The following ARL15 variants were observed in gnomAD, a reference collection of about 807,000 sequenced individuals.
The protein encoded by ARL15 is ADP-ribosylation factor-like protein 15.
ARL15 carries 19 observed loss-of-function variants against 25.2 expected under a neutral mutation model. The observed-to-expected ratio is 0.75, with a 90% CI of 0.53 to 1.10. The LOEUF (loss-of-function observed/expected upper bound fraction) is 1.10, where lower values mean the gene tolerates loss of function less well. Ranked by LOEUF, ARL15 falls within the 50% of genes least tolerant of loss-of-function variation. The pLI, the probability that ARL15 is intolerant of heterozygous loss-of-function variation, is 0.00. For missense variants in ARL15, 220 were observed against 246.0 expected (o/e 0.89, Z 0.71); for synonymous variants, 94 against 86.8 (o/e 1.08, Z -0.46).
At chr5:53,902,499 C>T (rs889519894) in intron 4 of ARL15, among the ~76,000 whole-genome samples, 6 of 152,218 alleles carry the variant, frequency 3.9e-5, no homozygotes, top group Non-Finnish European at 8.8e-5. Flanking sequence ...TCCCCTGTCT[C>T]AATCTTGCAG....
At chr5:54,092,936 T>C (rs1007488556) in intron 4 of ARL15, among the ~76,000 whole-genome samples, 1 of 152,212 alleles carries the variant, frequency 6.6e-6, no homozygotes, top group African/African-American at 2.4e-5. Context: ...ATTTTAAAAG[T>C]CTCTGTGCTT....
At chr5:54,025,783 C>T (rs1399545799) in intron 4 of ARL15, among the ~76,000 whole-genome samples, 2 of 152,160 alleles carry the variant, frequency 1.3e-5, no homozygotes, top group Non-Finnish European at 2.9e-5. Flanking sequence ...AGAGCATCAT[C>T]TTATAACAGT....
At chr5:54,222,961 A>G (rs577690524) in intron 1 of ARL15, among the ~76,000 whole-genome samples, 11 of 149,388 alleles carry the variant, frequency 7.4e-5, no homozygotes, top group African/African-American at 2.7e-4. Context: ...CCAGGACTAC[A>G]GGCACGCGTC....
At chr5:53,903,404 A>C (rs1020203064) in intron 4 of ARL15, among the ~76,000 whole-genome samples, 1 of 152,178 alleles carries the variant, frequency 6.6e-6, no homozygotes, top group Non-Finnish European at 1.5e-5. Context: ...GTGGGGAAGC[A>C]GAGCAGGTGG....
chr5:54,134,653 C>T (rs377215872), intron 3 of ARL15, among the ~76,000 whole-genome samples: 20 of 133,808 alleles, frequency 1.5e-4, no homozygotes, highest in African/African-American at 5.5e-4. Context: ...GGCACAATCT[C>T]GGCTCACTGC....
Position 54,040,868 on chromosome 5 carries a change from T to G in ARL15, c.462+72334A>C, listed in dbSNP as rs10042859. 8.5e-3 allele frequency among the ~76,000 whole-genome samples: 1,294 copies of G among 152,328 alleles called. 25 individuals carry two copies. Among genetic ancestry groups the G allele is most frequent in the African/African-American group, 0.03 (1,236 of 41,574 alleles). On this transcript the variant is annotated intron_variant, in intron 4 of 4. Transcript: ENST00000504924. ...ATTATCAAATATTGTTCAGCTCCCA[T>G]AATGAAGAAGGCTAACATTAAGGAT...
At chr5:54,184,770 A>G (rs985168926) in intron 1 of ARL15, among the ~76,000 whole-genome samples, 2 of 152,138 alleles carry the variant, frequency 1.3e-5, no homozygotes, top group Admixed American at 1.3e-4. Flanking sequence ...AATTCCTATG[A>G]ATCTGTCCAA....
intron 1 of ARL15, among the ~76,000 whole-genome samples, chr5:54,230,829 C>T (rs73757007): frequency 0.022 from 3,382 of 152,212 alleles, 147 homozygotes; most frequent in African/African-American, 0.078. Context: ...TTACAATGTG[C>T]TTTTGCCATA....
chr5:54,276,521 T>A (rs145875966), intron 1 of ARL15, among the ~76,000 whole-genome samples: 105 of 152,334 alleles, frequency 6.9e-4, no homozygotes, highest in African/African-American at 2.3e-3. Context: ...GAGGACAGAT[T>A]GTACTAAGGC....
intron 4 of ARL15, among the ~76,000 whole-genome samples, chr5:53,895,747 G>A (rs1371312025): frequency 6.6e-6 from 1 of 151,852 alleles, no homozygotes; most frequent in African/African-American, 2.4e-5. Flanking sequence ...CTCTTTGGGT[G>A]CATTTATAAA....
intron 1 of ARL15, among the ~76,000 whole-genome samples, chr5:54,230,047 C>T: frequency 6.6e-6 from 1 of 152,150 alleles, no homozygotes; most frequent in East Asian, 1.9e-4. Context: ...AAAATTAACT[C>T]TACATTGCCC....
chr5:54,221,805 G>A (rs1368777633), intron 1 of ARL15, among the ~76,000 whole-genome samples: 3 of 141,442 alleles, frequency 2.1e-5, no homozygotes, highest in Admixed American at 7.3e-5. Flanking sequence ...GTAATTTTTA[G>A]GTTATTTGGC....
chr5:53,982,852 T>G (rs1165870239), intron 4 of ARL15, among the ~76,000 whole-genome samples: 2 of 152,174 alleles, frequency 1.3e-5, no homozygotes. Context: ...CACCTGTTGT[T>G]TCCTGACTTT....
At position 54,115,553 on chromosome 5, in the gene ARL15, A is replaced by G. The variant is rs185784926; in HGVS notation, c.254-2143T>C. Among the ~76,000 whole-genome samples, 70 of 152,324 alleles carry G rather than the reference A, an allele frequency of 4.6e-4. 1 individual carries two copies. Among genetic ancestry groups the G allele is most frequent in the African/African-American group, 1.6e-3 (65 of 41,576 alleles). On this transcript the variant is annotated intron_variant, in intron 3 of 4. Transcript: ENST00000504924. ...CTAAGTGTTTTAAAAAGAAAAGCTC[A>G]TACAATTCTTACAACAATCTAAGGA...
intron 4 of ARL15, among the ~76,000 whole-genome samples, chr5:54,008,611 C>T (rs1749126597): frequency 2.0e-5 from 3 of 151,348 alleles, no homozygotes; most frequent in East Asian, 1.9e-4. Flanking sequence ...AGCCAGGGAA[C>T]GTCCCTTTAG....
chr5:54,199,930 G>A (rs1311640039), intron 1 of ARL15, among the ~76,000 whole-genome samples: 1 of 137,822 alleles, frequency 7.3e-6, no homozygotes, highest in East Asian at 2.0e-4. Context: ...TTAAGAAAAT[G>A]TGGCACATAT....
At chr5:53,952,973 G>T (rs372099862) in intron 4 of ARL15, among the ~76,000 whole-genome samples, 1 of 152,164 alleles carries the variant, frequency 6.6e-6, no homozygotes, top group Non-Finnish European at 1.5e-5. Context: ...CAAAGCAGAG[G>T]GAGAGGGAAT....
rs773087734 is a variant in ARL15, at chr5:54,171,803, A to T, written c.174T>A (p.Asp58Glu). 10 of 1,613,122 alleles carry T rather than the reference A, an allele frequency of 6.2e-6. No individual in the cohort carries two copies. In the South Asian group the frequency reaches 6.6e-5, roughly 11 times the overall value. Residue 58 changes from aspartate (D) to glutamate (E), a missense_variant, in exon 2 of 5, where the codon GAT (aspartate) becomes GAA (glutamate). Physicochemically the swap from Asp to Glu is conservative, Grantham distance 45. Transcript: ENST00000504924. ...LLSKLCSESPDNVVSTTGFSI... is the reference protein window; with the variant it reads ...LLSKLCSESPENVVSTTGFSI... ...ACCCACCTGTGGTCGACACGACGTT[A>T]TCGGGGCTTTCACTGCAGAGTTTGG...
chr5:54,123,024 T>G (rs567646906), intron 3 of ARL15, among the ~76,000 whole-genome samples: 1 of 152,262 alleles, frequency 6.6e-6, no homozygotes, highest in Non-Finnish European at 1.5e-5. Context: ...TTATGTAAAC[T>G]ATTTACCCAT....
Sources: allele counts gnomAD v4.1 joint callset (sites outside exome capture counted in the v4.1 genomes callset), GRCh38; gene constraint gnomAD v4.1.1; transcripts MANE v1.5; gene names NCBI Gene and HGNC (gene_info 2026-07-23, HGNC 2026-07-21).